The following MAP3K5 variants were observed in gnomAD, a reference collection of about 807,000 sequenced individuals.
MAP3K5 encodes the protein mitogen-activated protein kinase kinase kinase 5, also known as ASK-1.
A neutral mutation model predicts 158.7 loss-of-function variants in MAP3K5; 56 were observed. The observed-to-expected ratio is 0.35, with a 90% CI of 0.28 to 0.44. MAP3K5 has a LOEUF of 0.44. Among genes scored for constraint, MAP3K5 ranks in the 20% least tolerant of loss-of-function variants. MAP3K5 has a pLI of 1.00. For missense variants in MAP3K5, 1,294 were observed against 1,674.8 expected, an observed-to-expected ratio of 0.77 and a Z score of 3.97; for synonymous variants, 579 against 601.7, an observed-to-expected ratio of 0.96 and a Z score of 0.55.
At chr6:136,586,765 A>G (rs1189978730) in intron 23 of MAP3K5, among the ~76,000 whole-genome samples, 1 of 152,166 alleles carries the variant, frequency 6.6e-6, no homozygotes, top group African/African-American at 2.4e-5. Flanking sequence ...ACCCACCCTT[A>G]ATCTGGGTGG....
intron 1 of MAP3K5, among the ~76,000 whole-genome samples, chr6:136,778,935 G>A (rs1255455342): frequency 6.6e-6 from 1 of 152,176 alleles, no homozygotes; most frequent in Non-Finnish European, 1.5e-5. Context: ...GGGGACAGAT[G>A]CGGGAGGATC....
intron 1 of MAP3K5, among the ~76,000 whole-genome samples, chr6:136,730,157 T>G (rs1228648736): frequency 2.1e-5 from 3 of 140,282 alleles, no homozygotes; most frequent in Non-Finnish European, 4.4e-5. Context: ...TTGGTTGTTT[T>G]TTTTTTTTTG....
chr6:136,712,823 A>T (rs1219641894), intron 2 of MAP3K5, among the ~76,000 whole-genome samples: 1 of 152,116 alleles, frequency 6.6e-6, no homozygotes, highest in Non-Finnish European at 1.5e-5. Context: ...ACGAGGTCTG[A>T]TGATTTTATA....
intron 2 of MAP3K5, among the ~76,000 whole-genome samples, chr6:136,707,197 C>T (rs563630533): frequency 6.6e-6 from 1 of 152,320 alleles, no homozygotes; most frequent in South Asian, 2.1e-4. Flanking sequence ...ACCTGACAAT[C>T]TTGCTGATAG....
At chr6:136,565,592 T>C (rs1774063912) in intron 26 of MAP3K5, among the ~76,000 whole-genome samples, 1 of 152,234 alleles carries the variant, frequency 6.6e-6, no homozygotes, top group Non-Finnish European at 1.5e-5. Context: ...CTAAATATTC[T>C]AAGCTTACAA....
intron 13 of MAP3K5, among the ~76,000 whole-genome samples, chr6:136,638,679 C>G (rs547016973): frequency 3.1e-4 from 47 of 151,184 alleles, no homozygotes; most frequent in African/African-American, 1.1e-3. Context: ...TTTCCCCCAC[C>G]ATATGTTTTA....
chr6:136,615,549 T>C (rs538424785), intron 15 of MAP3K5, among the ~76,000 whole-genome samples: 33 of 152,278 alleles, frequency 2.2e-4, no homozygotes, highest in African/African-American at 7.7e-4. Flanking sequence ...TAGTTTTGGT[T>C]TGGTGATGTG....
intron 2 of MAP3K5, among the ~76,000 whole-genome samples, chr6:136,709,542 G>A (rs1013067842): frequency 2.0e-5 from 3 of 152,128 alleles, no homozygotes; most frequent in Non-Finnish European, 4.4e-5. Context: ...ACCAGGCACA[G>A]AAATGGAAGT....
chr6:136,579,968 C>T (rs1413091859), intron 25 of MAP3K5: 2 of 426,522 alleles, frequency 4.7e-6, no homozygotes, highest in African/African-American at 4.1e-5. Context: ...GATTTGGGAA[C>T]CACTGGGTAA....
chr6:136,732,557 A>T (rs1015966630), intron 1 of MAP3K5, among the ~76,000 whole-genome samples: 1 of 152,238 alleles, frequency 6.6e-6, no homozygotes, highest in Non-Finnish European at 1.5e-5. Flanking sequence ...ACTTGCTGAT[A>T]GACAGCTGGT....
In MAP3K5 at chr6:136,647,216, G is replaced by T. The variant is rs532683804; in HGVS notation, c.1788+3768C>A. ...CTTCAGAAATCAAATGTCAAGACCAGATCAGTCTTATAGCTACACTAGCAA... is the reference window on the plus strand; with the variant it reads ...CTTCAGAAATCAAATGTCAAGACCATATCAGTCTTATAGCTACACTAGCAA... On this transcript the variant is annotated intron_variant, in intron 11 of 29. Transcript: ENST00000359015. Among the ~76,000 whole-genome samples the T allele has an allele frequency of 5.9e-5, 9 of 152,258 alleles. No homozygotes were observed. The South Asian group carries it at 1.5e-3, about 25-fold the overall frequency.
chr6:136,745,836 CT>C (rs1782931338), intron 1 of MAP3K5, among the ~76,000 whole-genome samples: 1 of 152,156 alleles, frequency 6.6e-6, no homozygotes, highest in Non-Finnish European at 1.5e-5. Context: ...GAAATTTAAT[CT>C]AGATAATTCC....
At chr6:136,690,703 C>G (rs1033572896) in intron 7 of MAP3K5, among the ~76,000 whole-genome samples, 4 of 152,012 alleles carry the variant, frequency 2.6e-5, no homozygotes, top group East Asian at 3.8e-4. Flanking sequence ...TTTATATATA[C>G]TGAATACATA....
At chr6:136,749,170 C>T (rs1381050042) in intron 1 of MAP3K5, among the ~76,000 whole-genome samples, 4 of 151,970 alleles carry the variant, frequency 2.6e-5, no homozygotes, top group African/African-American at 2.4e-5. Flanking sequence ...GTCAGGAGTT[C>T]GAGACCAGCC....
At chr6:136,788,316 A>G (rs978473835) in intron 1 of MAP3K5, among the ~76,000 whole-genome samples, 2 of 152,250 alleles carry the variant, frequency 1.3e-5, no homozygotes, top group African/African-American at 4.8e-5. Flanking sequence ...ACCTCAAACC[A>G]TAAGAGTCCT....
intron 26 of MAP3K5, among the ~76,000 whole-genome samples, chr6:136,565,922 C>A (rs1327689488): frequency 2.0e-5 from 3 of 152,070 alleles, no homozygotes; most frequent in Non-Finnish European, 2.9e-5. Flanking sequence ...TGTAAATATG[C>A]AGAGGAAAAA....
intron 2 of MAP3K5, among the ~76,000 whole-genome samples, chr6:136,715,734 T>C (rs1177035978): frequency 1.3e-5 from 2 of 152,128 alleles, no homozygotes; most frequent in Admixed American, 1.3e-4. Flanking sequence ...AATATTCCAT[T>C]AAATGATTAT....
chr6:136,742,666 T>C (rs930585979), intron 1 of MAP3K5, among the ~76,000 whole-genome samples: 2 of 152,146 alleles, frequency 1.3e-5, no homozygotes, highest in South Asian at 4.1e-4. Context: ...AACTAAAAAT[T>C]TCTGCTCAGC....
chr6:136,774,216 A>G (rs1198192415), intron 1 of MAP3K5, among the ~76,000 whole-genome samples: 1 of 152,074 alleles, frequency 6.6e-6, no homozygotes, highest in Non-Finnish European at 1.5e-5. Context: ...TGTGCTCTCA[A>G]AGAACCTTAC....
Sources: allele counts gnomAD v4.1 joint callset (sites outside exome capture counted in the v4.1 genomes callset), GRCh38; gene constraint gnomAD v4.1.1; transcripts MANE v1.5; gene names NCBI Gene and HGNC (gene_info 2026-07-23, HGNC 2026-07-21).